The following BMPR1B variants were observed in gnomAD, a reference collection of about 807,000 sequenced individuals.
BMPR1B encodes the protein bone morphogenetic protein receptor type 1B.
Under a neutral mutation model 59.1 loss-of-function variants are expected in BMPR1B, and 12 were observed. The ratio of observed to expected loss-of-function variants is 0.20; its 90% confidence interval spans 0.13 to 0.33. The LOEUF (loss-of-function observed/expected upper bound fraction) is 0.33. BMPR1B is among the 10% of genes least tolerant of loss of function. BMPR1B has a pLI of 1.00. For missense variants in BMPR1B, 550 were observed against 610.9 expected (o/e 0.90, Z 1.05); for synonymous variants, 237 against 207.3 (o/e 1.14, Z -1.23).
chr4:94,966,365 G>T (rs148057047), intron 2 of BMPR1B, among the ~76,000 whole-genome samples: 1 of 152,062 alleles, frequency 6.6e-6, no homozygotes, highest in African/African-American at 2.4e-5. Flanking sequence ...ATTATCAGAA[G>T]AATAAAAAAT....
intron 3 of BMPR1B, among the ~76,000 whole-genome samples, chr4:95,048,484 T>C (rs1726202766): frequency 2.6e-5 from 4 of 152,232 alleles, no homozygotes; most frequent in Admixed American, 2.0e-4. Context: ...GACTTTTTAG[T>C]AATAGCCTTT....
At chr4:95,068,657 C>CCATGGGTTG (rs745397846) in intron 3 of BMPR1B, among the ~76,000 whole-genome samples, 7 of 152,144 alleles carry the variant, frequency 4.6e-5, no homozygotes, top group Non-Finnish European at 1.0e-4. Context: ...TCCTTTTATT[C>CCATGGGTTG]CATGGGTTGG....
At chr4:95,017,637 A>G (rs1723674007) in intron 3 of BMPR1B, among the ~76,000 whole-genome samples, 1 of 152,218 alleles carries the variant, frequency 6.6e-6, no homozygotes, top group Non-Finnish European at 1.5e-5. Flanking sequence ...ATATTTCATC[A>G]GTATTTCAGT....
At chr4:94,871,637 CT>C (rs1726502463) in intron 1 of BMPR1B, among the ~76,000 whole-genome samples, 1 of 152,076 alleles carries the variant, frequency 6.6e-6, no homozygotes, top group African/African-American at 2.4e-5. Context: ...ATATTGTTCA[CT>C]TACAGTTTCA....
intron 1 of BMPR1B, among the ~76,000 whole-genome samples, chr4:94,771,428 C>G (rs1722182577): frequency 6.6e-6 from 1 of 151,960 alleles, no homozygotes; most frequent in Non-Finnish European, 1.5e-5. Context: ...TTGAAAGACC[C>G]CTGAGGCAAG....
chr4:95,089,105 A>G (rs1223001298), intron 3 of BMPR1B, among the ~76,000 whole-genome samples: 2 of 152,184 alleles, frequency 1.3e-5, no homozygotes, highest in Admixed American at 1.3e-4. Flanking sequence ...GGTCATTTAA[A>G]TACAATGTAT....
intron 4 of BMPR1B, among the ~76,000 whole-genome samples, chr4:95,109,574 T>C (rs1731462784): frequency 6.6e-6 from 1 of 152,094 alleles, no homozygotes; most frequent in Admixed American, 6.6e-5. Context: ...TCCAGGGTTT[T>C]ATTTTTTCCA....
At chr4:94,788,155 A>T (rs1245598219) in intron 1 of BMPR1B, among the ~76,000 whole-genome samples, 2 of 152,148 alleles carry the variant, frequency 1.3e-5, no homozygotes, top group Non-Finnish European at 2.9e-5. Context: ...AGAGGTCCTG[A>T]TTCATGGAGG....
chr4:95,120,642 C>CTTCCTTCCTTCCTTCCTTCCTTCCTTCCT (rs1560669243), intron 6 of BMPR1B, among the ~76,000 whole-genome samples: 1 of 148,060 alleles, frequency 6.8e-6, no homozygotes, highest in South Asian at 2.2e-4. Flanking sequence ...TCCTTCCTTC[C>CTTCCTTCCTTCCTTCCTTCCTTCCTTCCT]TTCCTTCCTT....
At chr4:95,044,185 C>T (rs113025059) in intron 3 of BMPR1B, among the ~76,000 whole-genome samples, 8 of 152,048 alleles carry the variant, frequency 5.3e-5, no homozygotes, top group Non-Finnish European at 1.2e-4. Flanking sequence ...TATTTGTATG[C>T]GAATTGTTTT....
chr4:95,030,893 A>G (rs551601948), intron 3 of BMPR1B, among the ~76,000 whole-genome samples: 5 of 152,322 alleles, frequency 3.3e-5, no homozygotes, highest in South Asian at 4.1e-4. Context: ...ATGGAAGAAC[A>G]TTCCATGCTC....
intron 1 of BMPR1B, among the ~76,000 whole-genome samples, chr4:94,761,415 C>CTGTGTG (rs57447983): frequency 0.014 from 1,923 of 141,240 alleles, 24 homozygotes; most frequent in East Asian, 0.021. Context: ...CTGTATAATT[C>CTGTGTG]TGTGTGTGTG....
chr4:94,967,660 T>G (rs553678675), intron 2 of BMPR1B, among the ~76,000 whole-genome samples: 41 of 152,074 alleles, frequency 2.7e-4, no homozygotes, highest in African/African-American at 9.6e-4. Flanking sequence ...TTTTTTGTAT[T>G]TTTAGTAGAG....
At chr4:94,847,607 T>C (rs1725387609) in intron 1 of BMPR1B, among the ~76,000 whole-genome samples, 1 of 101,906 alleles carries the variant, frequency 9.8e-6, no homozygotes, top group African/African-American at 5.1e-5. Flanking sequence ...TATTCAGCCA[T>C]AAAAAACAAT....
chr4:95,118,504 T>G (rs1732236723), intron 6 of BMPR1B, among the ~76,000 whole-genome samples: 1 of 152,218 alleles, frequency 6.6e-6, no homozygotes, highest in African/African-American at 2.4e-5. Context: ...GAGGTGATAG[T>G]AGTGACAGAA....
At chr4:95,037,076 A>G (rs1725308879) in intron 3 of BMPR1B, among the ~76,000 whole-genome samples, 1 of 152,068 alleles carries the variant, frequency 6.6e-6, no homozygotes, top group South Asian at 2.1e-4. Flanking sequence ...GGTACATATG[A>G]TTTGGAGAAT....
At chr4:94,780,457 A>G (rs1722545177) in intron 1 of BMPR1B, among the ~76,000 whole-genome samples, 1 of 152,080 alleles carries the variant, frequency 6.6e-6, no homozygotes, top group Admixed American at 6.6e-5. Context: ...TTTTTGGTTA[A>G]TATTAATAAT....
At chr4:94,770,968 T>G (rs1485447155) in intron 1 of BMPR1B, among the ~76,000 whole-genome samples, 1 of 151,948 alleles carries the variant, frequency 6.6e-6, no homozygotes, top group Non-Finnish European at 1.5e-5. Context: ...GACCTTATAC[T>G]TTAGCATACA....
chr4:95,140,517 A>T (rs548023432), intron 10 of BMPR1B, among the ~76,000 whole-genome samples: 1 of 152,092 alleles, frequency 6.6e-6, no homozygotes, highest in Admixed American at 6.5e-5. Flanking sequence ...CTGATTTTCC[A>T]TGTATCTTAA....
Sources: allele counts gnomAD v4.1 joint callset (sites outside exome capture counted in the v4.1 genomes callset), GRCh38; gene constraint gnomAD v4.1.1; transcripts MANE v1.5; gene names NCBI Gene and HGNC (gene_info 2026-07-23, HGNC 2026-07-21).